Variants in BAZ1A observed in about 807,000 individuals in gnomAD.
BAZ1A encodes bromodomain adjacent to zinc finger domain 1A.
In BAZ1A, 50 loss-of-function variants were observed where a neutral mutation model predicts 185.2. The observed-to-expected ratio is 0.27, with a 90% CI of 0.22 to 0.34. The LOEUF is 0.34. Ranked by LOEUF, BAZ1A falls within the 10% of genes least tolerant of loss-of-function variation. The probability of loss-of-function intolerance (pLI) is 1.00; values close to 1 mark genes in which losing one functional copy is unlikely to be tolerated. For synonymous variants in BAZ1A, 571 were observed against 615.6 expected (o/e 0.93, Z 1.07); for missense variants, 1,356 against 1,839.9 (o/e 0.74, Z 4.81).
intron 12 of BAZ1A, among the ~76,000 whole-genome samples, chr14:34,791,295 T>C (rs571334544): frequency 1.3e-5 from 2 of 152,252 alleles, no homozygotes; most frequent in South Asian, 4.1e-4. Context: ...AAAATTCAAA[T>C]CTGGAATTAA....
intron 4 of BAZ1A, among the ~76,000 whole-genome samples, chr14:34,813,066 TAG>T (rs922816979): frequency 1.3e-5 from 2 of 152,080 alleles, no homozygotes; most frequent in Non-Finnish European, 2.9e-5. Context: ...ACAGATCAAA[TAG>T]AGAATTCTAA....
At chr14:34,851,915 C>T (rs1204174432) in intron 3 of BAZ1A, among the ~76,000 whole-genome samples, 1 of 151,036 alleles carries the variant, frequency 6.6e-6, no homozygotes, top group Non-Finnish European at 1.5e-5. Flanking sequence ...ATCACGAGGT[C>T]AGGAGATCGA....
intron 12 of BAZ1A, among the ~76,000 whole-genome samples, chr14:34,787,363 A>AAAGAAAAGAAAAG (rs1555339667): frequency 3.5e-5 from 4 of 112,798 alleles, no homozygotes; most frequent in Non-Finnish European, 7.0e-5. Context: ...AAAAAAAAAA[A>AAAGAAAAGAAAAG]AAAAAGAAAA....
intron 3 of BAZ1A, among the ~76,000 whole-genome samples, chr14:34,832,222 A>G (rs764110744): frequency 7.0e-6 from 1 of 142,466 alleles, no homozygotes; most frequent in Non-Finnish European, 1.5e-5. Flanking sequence ...ACACATATAT[A>G]TATATATATG....
At chr14:34,801,218 G>A in intron 7 of BAZ1A, 25 bp from the exon 8 acceptor site, 3 of 1,509,418 alleles carry the variant, frequency 2.0e-6, no homozygotes, top group Non-Finnish European at 2.7e-6. Context: ...AAAATAGTAT[G>A]CCTGGTTCTT....
Position 34,776,111 on chromosome 14 carries a change from G to T in BAZ1A, c.2641C>A (p.Gln881Lys), listed in dbSNP as rs1353761506. Residue 881 changes from glutamine to lysine, a missense_variant, in exon 18 of 27, where the codon CAG becomes AAG. Around this residue, in one of 7 missense-constraint regions of BAZ1A, gnomAD observed 434 missense variants for 561.7 expected, o/e 0.77. Coordinates refer to ENST00000360310, the MANE Select transcript of BAZ1A (RefSeq NM_013448.3). ...GGCTTATGCACTGGTTTTGGCAGCTGCACAGAATGGTCACGTGGACCTTGG... is the reference window on the plus strand; with the variant it reads ...GGCTTATGCACTGGTTTTGGCAGCTTCACAGAATGGTCACGTGGACCTTGG... ...IDQGPRDHSV[Q>K]LPKPVHKPNR... 1.2e-6 allele frequency: 2 copies of T among 1,614,046 alleles called. No homozygotes were observed. The highest frequency in any genetic ancestry group is 1.7e-6 in the Non-Finnish European group (2 of 1,180,032).
At chr14:34,853,762 G>A (rs1446525608) in intron 3 of BAZ1A, among the ~76,000 whole-genome samples, 1 of 152,218 alleles carries the variant, frequency 6.6e-6, no homozygotes, top group Non-Finnish European at 1.5e-5. Flanking sequence ...ACTCCAGCCA[G>A]GGCGACAGAG....
intron 2 of BAZ1A, among the ~76,000 whole-genome samples, chr14:34,869,033 C>T (rs1031917458): frequency 6.6e-6 from 1 of 150,568 alleles, no homozygotes; most frequent in South Asian, 2.1e-4. Flanking sequence ...GGTGAAACCT[C>T]GTCTCTACTA....
chr14:34,842,378 A>T (rs2042429159), intron 3 of BAZ1A, among the ~76,000 whole-genome samples: 1 of 152,204 alleles, frequency 6.6e-6, no homozygotes, highest in South Asian at 2.1e-4. Flanking sequence ...GAAAAGAAAA[A>T]GGCTTAAACA....
chr14:34,866,629 T>C (rs1396298926), intron 2 of BAZ1A, among the ~76,000 whole-genome samples: 1 of 152,052 alleles, frequency 6.6e-6, no homozygotes, highest in African/African-American at 2.4e-5. Context: ...AATTGATATA[T>C]AACAGTTATA....
At chr14:34,793,451 C>T (rs957701083) in intron 11 of BAZ1A, among the ~76,000 whole-genome samples, 2 of 152,188 alleles carry the variant, frequency 1.3e-5, no homozygotes, top group African/African-American at 4.8e-5. Context: ...GCTTCATCCA[C>T]CTCATAAGGA....
At chr14:34,756,257 G>T (rs1297454615) in intron 25 of BAZ1A, among the ~76,000 whole-genome samples, 1 of 151,328 alleles carries the variant, frequency 6.6e-6, no homozygotes, top group Non-Finnish European at 1.5e-5. Context: ...GGGACTACAG[G>T]TGTGTGCCAC....
chr14:34,801,028 A>G, intron 8 of BAZ1A, 66 bp downstream of exon 8: 3 of 1,162,914 alleles, frequency 2.6e-6, no homozygotes, highest in Non-Finnish European at 3.6e-6. Context: ...AACATCCCCC[A>G]CTCAGGCACA....
Position 34,776,194 on chromosome 14 carries a change from G to A in BAZ1A, c.2558C>T (p.Pro853Leu). Residue 853 changes from proline to leucine, a missense_variant, in exon 18 of 27, where the codon CCT (proline) becomes CTT (leucine). Physicochemically the swap from Pro to Leu is moderately conservative, Grantham distance 98. This residue lies in a region of BAZ1A where 434 missense variants were observed against 561.7 expected (regional missense o/e 0.77). Coordinates refer to ENST00000360310, the MANE Select transcript of BAZ1A (RefSeq NM_013448.3). Reference sequence around the variant, plus strand: ...CTCTCCAGTTTTAGTGGATACCTGAGGATCTTGAGACTGTACATTATTCTG... The same window carrying A: ...CTCTCCAGTTTTAGTGGATACCTGAAGATCTTGAGACTGTACATTATTCTG... ...SFQNNVQSQD[P>L]QVSTKTGEPL... 3 of 1,614,168 alleles carry A rather than the reference G, an allele frequency of 1.9e-6. No homozygotes were observed. Among genetic ancestry groups the A allele is most frequent in the Non-Finnish European group, 2.5e-6 (3 of 1,180,036 alleles).
chr14:34,874,558 G>A lies in BAZ1A; in HGVS notation c.47C>T (p.Ala16Val), dbSNP rs1387794795. 1 of 1,611,684 alleles carries A rather than the reference G, an allele frequency of 6.2e-7. No individual in the cohort carries two copies. Among genetic ancestry groups the A allele is most frequent in the Admixed American group, 1.7e-5 (1 of 59,942 alleles). The change falls in exon 2 of 27, where the codon GCG becomes GTG. Residue 16 changes from alanine to valine, a missense_variant. By Grantham distance (64) the Ala-to-Val change is moderately conservative. This residue lies in a region of BAZ1A where 332 missense variants were observed against 395.3 expected (regional missense o/e 0.84). Coordinates refer to ENST00000360310, the MANE Select transcript of BAZ1A (RefSeq NM_013448.3). This position sits in a 1 kb window ranked among gnomAD's most constrained non-coding sequence, Gnocchi z 4.7. ...RKPFVRQKPP[A>V]DLRPDEEVFY... ...AACTTCCTCGTCGGGCCGCAGGTCCGCGGGCGGCTTCTGTCTCACAAACGG... is the reference window on the plus strand; with the variant it reads ...AACTTCCTCGTCGGGCCGCAGGTCCACGGGCGGCTTCTGTCTCACAAACGG...
At chr14:34,783,368 CTTT>C (rs201307518) in intron 15 of BAZ1A, 136 bp from the exon 16 acceptor site, 1,506 of 367,034 alleles carry the variant, frequency 4.1e-3, no homozygotes, top group East Asian at 5.8e-3. Flanking sequence ...CATTCATAAG[CTTT>C]TTTTTTTTTT....
intron 2 of BAZ1A, among the ~76,000 whole-genome samples, chr14:34,862,674 GTA>G (rs1182188812): frequency 1.3e-5 from 2 of 151,044 alleles, no homozygotes; most frequent in East Asian, 3.9e-4. Flanking sequence ...TCATTAAAAA[GTA>G]TAAAGTTCTT....
chr14:34,860,518 T>TAA (rs397852116), intron 3 of BAZ1A, among the ~76,000 whole-genome samples: 3,613 of 70,542 alleles, frequency 0.051, 132 homozygotes, highest in African/African-American at 0.12. Flanking sequence ...TACCAAAAGT[T>TAA]AAAAAAAAAA....
intron 3 of BAZ1A, 138 bp downstream of exon 3, chr14:34,861,906 C>T (rs528566478): frequency 1.0e-6 from 1 of 961,684 alleles, no homozygotes; most frequent in East Asian, 2.5e-5. Flanking sequence ...ACAGCTAACA[C>T]CGGGGCTATC....
Sources: gnomAD v4.1 joint callset for allele counts (sites outside exome capture counted in the v4.1 genomes callset) on GRCh38, gnomAD v4.1.1 for gene constraint, gnomAD v4.1.1 regional missense constraint, Gnocchi (gnomAD v3.1) non-coding constraint, MANE v1.5 for transcripts, NCBI Gene and HGNC (gene_info 2026-07-23, HGNC 2026-07-21) for gene names.